The following SGMS2 variants were observed in gnomAD, a reference collection of about 807,000 sequenced individuals.
The protein encoded by SGMS2 is phosphatidylcholine:ceramide cholinephosphotransferase 2.
Under a neutral mutation model 43.8 loss-of-function variants are expected in SGMS2, and 21 were observed. That is an observed-to-expected ratio of 0.48 (90% CI 0.34 to 0.69). SGMS2 has a LOEUF of 0.69. SGMS2 is among the 30% of genes least tolerant of loss of function. The probability of loss-of-function intolerance (pLI) is 0.01; values close to 1 mark genes in which losing one functional copy is unlikely to be tolerated. For missense variants in SGMS2, 384 were observed against 443.2 expected (o/e 0.87, Z 1.20); for synonymous variants, 167 against 160.6 (o/e 1.04, Z -0.30).
intron 1 of SGMS2, among the ~76,000 whole-genome samples, chr4:107,839,927 C>T (rs919056555): frequency 3.9e-5 from 6 of 152,032 alleles, no homozygotes; most frequent in African/African-American, 9.7e-5. Context: ...GATTGTGTGT[C>T]CTGGTTCACG....
chr4:107,838,178 C>T (rs372338611), intron 1 of SGMS2, among the ~76,000 whole-genome samples: 2 of 152,060 alleles, frequency 1.3e-5, no homozygotes, highest in East Asian at 1.9e-4. Context: ...GAACAATGTC[C>T]CAGATGCTAC....
chr4:107,846,257 C>T (rs543805702), intron 1 of SGMS2, among the ~76,000 whole-genome samples: 3,560 of 91,848 alleles, frequency 0.039, 245 homozygotes, highest in African/African-American at 0.14. Flanking sequence ...TGCTAACCCT[C>T]CCCCCTCCCC....
intron 1 of SGMS2, among the ~76,000 whole-genome samples, chr4:107,851,017 G>C (rs1309094401): frequency 6.6e-6 from 1 of 152,062 alleles, no homozygotes; most frequent in African/African-American, 2.4e-5. Context: ...TTAGCATCCT[G>C]AATATTTAAT....
intron 2 of SGMS2, among the ~76,000 whole-genome samples, chr4:107,869,456 A>G (rs2126053039): frequency 6.6e-6 from 1 of 152,298 alleles, no homozygotes; most frequent in South Asian, 2.1e-4. Context: ...AAAAAATACT[A>G]GTTTCAAAAA....
chr4:107,840,908 G>C (rs907611833), intron 1 of SGMS2, among the ~76,000 whole-genome samples: 2 of 152,154 alleles, frequency 1.3e-5, no homozygotes, highest in Non-Finnish European at 2.9e-5. Flanking sequence ...GGTTGGTGAA[G>C]GTAAGAGCTT....
chr4:107,832,063 G>A (rs561861335), intron 1 of SGMS2, among the ~76,000 whole-genome samples: 20 of 152,268 alleles, frequency 1.3e-4, no homozygotes, highest in African/African-American at 4.8e-4. Context: ...AGGAGGCCCT[G>A]AGACAGTTTA....
At chr4:107,862,240 T>C (rs1727775551) in intron 2 of SGMS2, among the ~76,000 whole-genome samples, 1 of 152,214 alleles carries the variant, frequency 6.6e-6, no homozygotes, top group Non-Finnish European at 1.5e-5. Context: ...TTCTAGATTT[T>C]TGGCTCCTAG....
intron 1 of SGMS2, among the ~76,000 whole-genome samples, chr4:107,838,894 A>G (rs1193996413): frequency 6.6e-6 from 1 of 152,144 alleles, no homozygotes; most frequent in African/African-American, 2.4e-5. Context: ...TTCCTGCACC[A>G]TCTGCCTTCT....
chr4:107,870,415 T>C (rs943311699), intron 2 of SGMS2, among the ~76,000 whole-genome samples: 54 of 152,292 alleles, frequency 3.5e-4, no homozygotes, highest in African/African-American at 1.3e-3. Flanking sequence ...TACCGTTTAC[T>C]GTGATAAGAA....
intron 5 of SGMS2, among the ~76,000 whole-genome samples, chr4:107,903,743 G>T (rs1731328291): frequency 6.6e-6 from 1 of 152,096 alleles, no homozygotes; most frequent in South Asian, 2.1e-4. Context: ...TTGCAAAAAG[G>T]ATTGGTACAT....
intron 2 of SGMS2, among the ~76,000 whole-genome samples, chr4:107,877,907 T>A (rs1729035587): frequency 7.3e-6 from 1 of 136,586 alleles, no homozygotes; most frequent in African/African-American, 2.9e-5. Flanking sequence ...TCTTTCTTTT[T>A]CTTTTCTTTT....
intron 1 of SGMS2, among the ~76,000 whole-genome samples, chr4:107,850,348 T>C (rs11946503): frequency 0.011 from 1,630 of 152,366 alleles, 24 homozygotes; most frequent in African/African-American, 0.037. Flanking sequence ...ACAATGTGGT[T>C]ACATTTCCCT....
At position 107,875,752 on chromosome 4, in the gene SGMS2, C is replaced by G. The variant is rs549599351; in HGVS notation, c.-245+17199C>G. On this transcript the variant is annotated intron_variant, in intron 2 of 6. Transcript: ENST00000690982. The stretch of plus-strand genomic sequence containing the variant: ...TATGAATGGTCTACATTGTTTATTA[C>G]TTCATTTGTGGAACATTTTTGTGGT... Among the ~76,000 whole-genome samples the G allele has an allele frequency of 9.2e-5, 14 of 152,254 alleles. No individual in the cohort carries two copies. The South Asian group carries it at 2.7e-3, about 29-fold the overall frequency.
At chr4:107,872,399 T>A (rs1054678725) in intron 2 of SGMS2, among the ~76,000 whole-genome samples, 14 of 152,212 alleles carry the variant, frequency 9.2e-5, no homozygotes, top group African/African-American at 3.4e-4. Context: ...ATTATTATTG[T>A]CTTACATTAG....
intron 3 of SGMS2, among the ~76,000 whole-genome samples, chr4:107,897,652 C>G (rs910421697): frequency 2.6e-5 from 4 of 152,190 alleles, no homozygotes; most frequent in Non-Finnish European, 4.4e-5. Flanking sequence ...TACCTACCAC[C>G]TTAGATTTTC....
intron 2 of SGMS2, among the ~76,000 whole-genome samples, chr4:107,865,697 A>G (rs1728061703): frequency 6.6e-6 from 1 of 152,182 alleles, no homozygotes; most frequent in African/African-American, 2.4e-5. Context: ...ACTTTATAAA[A>G]TTATTTTCAT....
At chr4:107,885,122 C>A (rs1051319436) in intron 2 of SGMS2, among the ~76,000 whole-genome samples, 17 of 152,176 alleles carry the variant, frequency 1.1e-4, no homozygotes, top group African/African-American at 4.1e-4. Context: ...TGGAAGTTAA[C>A]CTAGATAATA....
intron 2 of SGMS2, among the ~76,000 whole-genome samples, chr4:107,892,243 A>G (rs1435631459): frequency 2.0e-5 from 3 of 151,318 alleles, no homozygotes; most frequent in Non-Finnish European, 4.4e-5. Flanking sequence ...CCAAAAAAAA[A>G]AAAAAAAAAA....
intron 1 of SGMS2, among the ~76,000 whole-genome samples, chr4:107,842,458 C>T (rs181952444): frequency 1.3e-5 from 2 of 152,116 alleles, no homozygotes; most frequent in Admixed American, 6.5e-5. Flanking sequence ...GGGATGGTGC[C>T]GAACCAATTC....
Sources: gnomAD v4.1 joint callset for allele counts (sites outside exome capture counted in the v4.1 genomes callset) on GRCh38, gnomAD v4.1.1 for gene constraint, MANE v1.5 for transcripts, NCBI Gene and HGNC (gene_info 2026-07-23, HGNC 2026-07-21) for gene names.